The following TMEM176B variants were observed in gnomAD, a reference collection of about 807,000 sequenced individuals.
TMEM176B encodes LR8-like protein.
Under a neutral mutation model 30.3 loss-of-function variants are expected in TMEM176B, and 28 were observed. The ratio of observed to expected loss-of-function variants is 0.92; its 90% confidence interval spans 0.68 to 1.27. The LOEUF is 1.27. TMEM176B is among the 50% of genes most tolerant of loss of function. The pLI is 0.00. For missense variants in TMEM176B, 349 were observed against 327.4 expected, an observed-to-expected ratio of 1.07 and a Z score of -0.51; for synonymous variants, 123 against 130.3, an observed-to-expected ratio of 0.94 and a Z score of 0.38.
intron 1 of TMEM176B, among the ~76,000 whole-genome samples, chr7:150,799,598 C>T (rs1798680383): frequency 6.6e-6 from 1 of 152,266 alleles, no homozygotes; most frequent in African/African-American, 2.4e-5. Context: ...AGCAGTTTCA[C>T]TCTTTCACCC....
Position 150,796,573 on chromosome 7 carries a change from G to A in TMEM176B, c.-4C>T. On this transcript the variant is annotated splice_region_variant and 5_prime_UTR_variant, in exon 2 of 7. Transcript: ENST00000326442. The stretch of plus-strand genomic sequence containing the variant: ...CAATCACCGTGTTTTGCGTCATCCT[G>A]CCTGCCAGGGAGAAGACATATAGCA... 2 of 1,613,592 alleles carry A rather than the reference G, an allele frequency of 1.2e-6. No homozygotes were observed. The highest frequency in any genetic ancestry group is 2.7e-5 in the African/African-American group (2 of 75,040).
At chr7:150,800,929 A>G, upstream of TMEM176B, 1 of 985,572 alleles carries the variant, frequency 1.0e-6, no homozygotes. Flanking sequence ...ACCCCCACCC[A>G]GGGATGACAC....
Position 150,793,471 on chromosome 7 carries a change from A to G in TMEM176B, c.372+73T>C. 4 of 1,576,004 alleles carry G rather than the reference A, an allele frequency of 2.5e-6. No individual in the cohort carries two copies. In the South Asian group the frequency reaches 4.5e-5, roughly 18 times the overall value. On this transcript the variant is annotated intron_variant, in intron 4 of 6. Coordinates refer to ENST00000326442, the MANE Select transcript of TMEM176B (RefSeq NM_001101312.2). The stretch of plus-strand genomic sequence containing the variant: ...CCCAAGATATTGACAACCAAAGGGC[A>G]GAAGACAGATAATGGAGCAGAATTC...
Position 150,794,023 on chromosome 7 carries a change from GAC to G in TMEM176B, c.251_252del (p.Cys84SerfsTer33). ...LGVVSCVLGV[C>X]LSLGPWTVLS... ...AGCACAGTCCAGGGCCCCAAGCTGA[GAC>G]ACACTCCAAGAACACAACTCACAAC... is the stretch of plus-strand genomic sequence containing the variant. On this transcript the variant is annotated frameshift_variant, in exon 3 of 7. Coordinates refer to ENST00000326442, the MANE Select transcript of TMEM176B (RefSeq NM_001101312.2). LOFTEE classifies it high-confidence loss of function. 6.2e-7 allele frequency: 1 copy of G among 1,613,982 alleles called. No homozygotes were observed.
upstream of TMEM176B, chr7:150,800,809 G>A (rs1274298213): frequency 3.7e-6 from 2 of 546,508 alleles, no homozygotes; most frequent in African/African-American, 2.1e-5. Context: ...CCGCCCGCTC[G>A]CAGGTCCCGA....
chr7:150,793,378 C>A, intron 4 of TMEM176B, 63 bp from the exon 5 acceptor site: 1 of 1,534,664 alleles, frequency 6.5e-7, no homozygotes. Context: ...ATGAGGTCCC[C>A]GCCTCAAATC....
intron 4 of TMEM176B, 40 bp from the exon 5 acceptor site, chr7:150,793,355 C>A: frequency 1.3e-6 from 2 of 1,584,648 alleles, no homozygotes; most frequent in Non-Finnish European, 8.6e-7. Context: ...CTCCTTCAAT[C>A]GGTGGAAGAG....
rs1798344923 is a variant in TMEM176B, at chr7:150,792,247, C to T, written c.601-72G>A. On this transcript the variant is annotated intron_variant, in intron 5 of 6. Transcript: ENST00000326442. ...ATGCTGCCCACATCACCACCCTCTCCACCCACCCAGGCACTGACTCTATCC... is the reference window on the plus strand; with the variant it reads ...ATGCTGCCCACATCACCACCCTCTCTACCCACCCAGGCACTGACTCTATCC... The T allele has an allele frequency of 2.5e-6, 4 of 1,581,878 alleles. No individual in the cohort carries two copies. The South Asian group carries it at 4.5e-5, about 18-fold the overall frequency.
rs1798536253 is a variant in TMEM176B, at chr7:150,796,563, G to T, written c.7C>A (p.Gln3Lys). 25 of 1,613,826 alleles carry T rather than the reference G, an allele frequency of 1.5e-5. No individual in the cohort carries two copies. Among genetic ancestry groups the T allele is most frequent in the East Asian group, 2.2e-5 (1 of 44,894 alleles). The change falls in exon 2 of 7, where the codon CAA becomes AAA. Residue 3 changes from glutamine (Q) to lysine (K), a missense_variant. Physicochemically the swap from Gln to Lys is moderately conservative, Grantham distance 53 (BLOSUM62 1). Coordinates refer to ENST00000326442, the MANE Select transcript of TMEM176B (RefSeq NM_001101312.2). The stretch of plus-strand genomic sequence containing the variant: ...ACTCCATTCACAATCACCGTGTTTT[G>T]CGTCATCCTGCCTGCCAGGGAGAAG... Reference protein sequence around the residue: MTQNTVIVNGVAM... With the variant: MTKNTVIVNGVAM...
intron 2 of TMEM176B, among the ~76,000 whole-genome samples, chr7:150,795,453 T>C (rs1399116024): frequency 1.3e-5 from 2 of 152,224 alleles, no homozygotes; most frequent in Non-Finnish European, 2.9e-5. Context: ...AGGGTTCTCC[T>C]GCCCTCAAGG....
intron 1 of TMEM176B, among the ~76,000 whole-genome samples, chr7:150,798,808 T>G (rs1798633777): frequency 6.6e-6 from 1 of 152,196 alleles, no homozygotes; most frequent in South Asian, 2.1e-4. Flanking sequence ...ACATCCTATG[T>G]CCTTGTTTCG....
chr7:150,798,886 G>A (rs1436787944), intron 1 of TMEM176B, among the ~76,000 whole-genome samples: 2 of 152,130 alleles, frequency 1.3e-5, no homozygotes, highest in Admixed American at 6.5e-5. Context: ...TTTGTGATAT[G>A]AGTTTCAAAT....
At chr7:150,794,207 T>C (rs1585275193) in intron 2 of TMEM176B, 136 bp from the exon 3 acceptor site, 1 of 599,594 alleles carries the variant, frequency 1.7e-6, no homozygotes. Context: ...GCAGCTCTGA[T>C]TCTGGAAGAT....
chr7:150,798,231 T>TC (rs1798601065), intron 1 of TMEM176B, among the ~76,000 whole-genome samples: 1 of 152,210 alleles, frequency 6.6e-6, no homozygotes, highest in Non-Finnish European at 1.5e-5. Flanking sequence ...TGTAATGATT[T>TC]CCATATATTT....
At chr7:150,801,076 C>A, upstream of TMEM176B, 2 of 828,474 alleles carry the variant, frequency 2.4e-6, no homozygotes, top group Non-Finnish European at 2.9e-6. Flanking sequence ...AGCGGGAGGT[C>A]GGCGGTGGCG....
At position 150,793,212 on chromosome 7, in the gene TMEM176B, T is replaced by C. The variant is rs1419227650; in HGVS notation, c.476A>G (p.Tyr159Cys). The C allele has an allele frequency of 6.2e-7, 1 of 1,614,150 alleles. No homozygotes were observed. Among genetic ancestry groups the C allele is most frequent in the South Asian group, 1.1e-5 (1 of 91,086 alleles). Residue 159 changes from tyrosine to cysteine, a missense_variant, in exon 5 of 7, where the codon TAC (tyrosine) becomes TGC (cysteine). Coordinates refer to ENST00000326442, the MANE Select transcript of TMEM176B (RefSeq NM_001101312.2). ...SFIWQTEPFL[Y>C]IDTVCDRSDP... ...TGAGCGATCACACACAGTGTCGATG[T>C]ATAAAAAGGGTTCAGTTTGCCAGAT...
At chr7:150,800,007 C>G (rs911476656) in intron 1 of TMEM176B, 1 of 152,326 alleles carries the variant, frequency 6.6e-6, no homozygotes, top group Non-Finnish European at 1.5e-5. Flanking sequence ...GGCCCCGTCC[C>G]AGGAGCCACC....
intron 2 of TMEM176B, among the ~76,000 whole-genome samples, chr7:150,794,907 C>CCACACACACACACACACA (rs3220239): frequency 7.1e-6 from 1 of 141,594 alleles, no homozygotes; most frequent in Non-Finnish European, 1.5e-5. Flanking sequence ...TCCCCTACTA[C>CCACACACACACACACACA]CACACACACA....
At position 150,791,352 on chromosome 7, in the gene TMEM176B, A is replaced by T; in HGVS notation, c.*179T>A. On this transcript the variant is annotated 3_prime_UTR_variant, in exon 7 of 7. Coordinates refer to ENST00000326442, the MANE Select transcript of TMEM176B (RefSeq NM_001101312.2). ...TAATCAGCATTGTGGAAAATGCAAC[A>T]ATATCTGTTCATGGACTTGAGAACC... 1 of 540,824 alleles carries T rather than the reference A, an allele frequency of 1.8e-6. No individual in the cohort carries two copies. Among genetic ancestry groups the T allele is most frequent in the Admixed American group, 3.2e-5 (1 of 31,624 alleles). 33.5% of individuals were successfully genotyped at this position (540,824 alleles called of 1,614,324 possible).
Sources: allele counts gnomAD v4.1 joint callset (sites outside exome capture counted in the v4.1 genomes callset), GRCh38; gene constraint gnomAD v4.1.1; transcripts MANE v1.5; gene names NCBI Gene and HGNC (gene_info 2026-07-23, HGNC 2026-07-21).